PIGC: variants seen among roughly 807,000 people sequenced by gnomAD.
PIGC encodes phosphatidylinositol N-acetylglucosaminyltransferase subunit C.
A neutral mutation model predicts 20.9 loss-of-function variants in PIGC; 14 were observed. The observed-to-expected ratio is 0.67, with a 90% CI of 0.44 to 1.05. The LOEUF is 1.05. Ranked by LOEUF, PIGC falls within the 50% of genes least tolerant of loss-of-function variation. The pLI, the probability that PIGC is intolerant of heterozygous loss-of-function variation, is 0.00. For missense variants in PIGC, 310 were observed against 360.9 expected (o/e 0.86, Z 1.14); for synonymous variants, 132 against 141.4 (o/e 0.93, Z 0.47).
At chr1:172,443,816 G>C in intron 1 of PIGC, 172 bp downstream of exon 1, 1 of 292,476 alleles carries the variant, frequency 3.4e-6, no homozygotes, top group Non-Finnish European at 5.5e-6. Context: ...GGGAGGGGAC[G>C]GGGTAGGGTA....
chr1:172,441,775 C>A lies in PIGC; in HGVS notation c.848G>T (p.Trp283Leu). The change falls in exon 2 of 2, where the codon TGG becomes TTG. Residue 283 changes from tryptophan to leucine, a missense_variant. Coordinates refer to ENST00000344529, the MANE Select transcript of PIGC (RefSeq NM_153747.2). Reference protein sequence around the residue: ...QLFKENIHGPWDEAEIKEDLS... With the variant: ...QLFKENIHGPLDEAEIKEDLS... ...GTCTTCCTTGATTTCAGCTTCATCC[C>A]AAGGCCCATGAATGTTTTCTTTAAA... 6.3e-7 allele frequency: 1 copy of A among 1,593,428 alleles called. No individual in the cohort carries two copies. Among genetic ancestry groups the A allele is most frequent in the African/African-American group, 1.3e-5 (1 of 74,464 alleles).
In PIGC at chr1:172,442,255, G is replaced by A. The variant is rs2149169494; in HGVS notation, c.368C>T (p.Ala123Val). ...ATAAGTGAAAGTAATGAAGACTAGG[G>A]CACTCTTCAGGTCAGCCCACCGGGT... ...GQTRWADLKS[A>V]LVFITFTYGF... is the part of the protein sequence containing the mutation. The change falls in exon 2 of 2, where the codon GCC becomes GTC. Residue 123 changes from alanine (A) to valine (V), a missense_variant. Coordinates refer to ENST00000344529, the MANE Select transcript of PIGC (RefSeq NM_153747.2). The A allele has an allele frequency of 1.9e-6, 3 of 1,613,832 alleles. No individual in the cohort carries two copies. The highest frequency in any genetic ancestry group is 2.5e-6 in the Non-Finnish European group (3 of 1,179,940).
Position 172,443,979 on chromosome 1 carries a change from C to T in PIGC, c.-209+9G>A, listed in dbSNP as rs114933316. ...CGGAAACACTGACCGTTACACGGAA[C>T]CCACCTACCCGAGAGTTCCTAGGGT... On this transcript the variant is annotated intron_variant, in intron 1 of 1. Coordinates refer to ENST00000344529, the MANE Select transcript of PIGC (RefSeq NM_153747.2). The T allele has an allele frequency of 7.1e-4, 714 of 1,000,280 alleles. 3 individuals carry two copies. In the African/African-American group the frequency reaches 0.012, roughly 17 times the overall value. 62.0% of individuals were successfully genotyped at this position (1,000,280 alleles called of 1,614,324 possible). A position where few individuals can be genotyped will look rare whatever the true frequency, so the allele number is the denominator to read the frequency against.
At chr1:172,442,877 G>A (rs749758031) in intron 1 of PIGC, 47 bp from the exon 2 acceptor site, 18 of 426,162 alleles carry the variant, frequency 4.2e-5, no homozygotes, top group Middle Eastern at 6.4e-4. Flanking sequence ...GAAAGGTCAA[G>A]AGTAGTACTG....
At position 172,442,541 on chromosome 1, in the gene PIGC, A is replaced by G. The variant is rs1243505020; in HGVS notation, c.82T>C (p.Tyr28His). ...TCTTCCAGGAATCGCCGGTCCACAT[A>G]GTTATCAGGAAAGGGCTGTCGCTCA... ...LYERQPFPDN[Y>H]VDRRFLEELR... is the part of the protein sequence containing the mutation. The change falls in exon 2 of 2, where the codon TAT becomes CAT. Residue 28 changes from tyrosine to histidine, a missense_variant. Transcript: ENST00000344529. 1 of 1,614,176 alleles carries G rather than the reference A, an allele frequency of 6.2e-7. No individual in the cohort carries two copies. Among genetic ancestry groups the G allele is most frequent in the Non-Finnish European group, 8.5e-7 (1 of 1,179,998 alleles).
rs889673559 is a variant in PIGC, at chr1:172,442,209, C to T, written c.414G>A (p.Lys138=). 1.9e-6 allele frequency: 3 copies of T among 1,613,916 alleles called. No individual in the cohort carries two copies. The highest frequency in any genetic ancestry group is 2.7e-5 in the African/African-American group (2 of 74,924). ...CAGTGCTGACAGACTCTGTAAGGGT[C>T]TTCAGCACTGGTGAAAACCCATAAG... ...TFTYGFSPVL[K]TLTESVSTDT... The change falls in exon 2 of 2, where the codon AAG becomes AAA. Residue 138 remains lysine (K), a synonymous_variant. Transcript: ENST00000344529.
chr1:172,443,823 G>A (rs1432488504), intron 1 of PIGC, 165 bp downstream of exon 1: 1 of 330,986 alleles, frequency 3.0e-6, no homozygotes, highest in African/African-American at 2.3e-5. Flanking sequence ...GACGGGGTAG[G>A]GTAGGGTGAC....
chr1:172,443,825 T>G, intron 1 of PIGC, 163 bp downstream of exon 1: 1 of 340,198 alleles, frequency 2.9e-6, no homozygotes, highest in Non-Finnish European at 4.4e-6. Context: ...CGGGGTAGGG[T>G]AGGGTGACCC....
Position 172,441,860 on chromosome 1 carries a change from C to G in PIGC, c.763G>C (p.Ala255Pro). 1.9e-6 allele frequency: 3 copies of G among 1,614,138 alleles called. No homozygotes were observed. The highest frequency in any genetic ancestry group is 2.5e-6 in the Non-Finnish European group (3 of 1,180,002). Residue 255 changes from alanine to proline, a missense_variant, in exon 2 of 2, where the codon GCC becomes CCC. Physicochemically the swap from Ala to Pro is conservative, Grantham distance 27 (BLOSUM62 -1). Coordinates refer to ENST00000344529, the MANE Select transcript of PIGC (RefSeq NM_153747.2). Reference protein sequence around the residue: ...SISAVGAVLFALLLMSISCLC... With the variant: ...SISAVGAVLFPLLLMSISCLC... ...CATGAGATAGACATCAGCAGAAGGG[C>G]AAAGAGTACGGCTCCCACAGCACTA...
In PIGC at chr1:172,441,649, T is replaced by C; in HGVS notation, c.*80A>G. The stretch of plus-strand genomic sequence containing the variant: ...CCACAATGACATGCTGCTTCCAGAA[T>C]GGAACTCTGTCTTTAAGTTCTATAC... On this transcript the variant is annotated 3_prime_UTR_variant, in exon 2 of 2. Transcript: ENST00000344529. 1 of 1,231,792 alleles carries C rather than the reference T, an allele frequency of 8.1e-7. No homozygotes were observed. Among genetic ancestry groups the C allele is most frequent in the Non-Finnish European group, 1.1e-6 (1 of 892,446 alleles). The allele number at this position is 1,231,792 out of a possible 1,614,324, so 76.3% of individuals were successfully genotyped here.
chr1:172,442,383 C>T lies in PIGC; in HGVS notation c.240G>A (p.Leu80=). The change falls in exon 2 of 2, where the codon CTG becomes CTA. Residue 80 remains leucine (L), a synonymous_variant. Transcript: ENST00000344529. The stretch of plus-strand genomic sequence containing the variant: ...CAGTCCCTAAAAGCCAATGGGGGGC[C>T]AGAAGACCCTCATCCATATACCACC... ...VIWWYMDEGL[L]APHWLLGTGL... is the part of the protein sequence containing the mutation. 6.2e-7 allele frequency: 1 copy of T among 1,613,530 alleles called. No homozygotes were observed. Among genetic ancestry groups the T allele is most frequent in the Non-Finnish European group, 8.5e-7 (1 of 1,180,006 alleles).
chr1:172,441,640 C>T lies in PIGC; in HGVS notation c.*89G>A. Reference sequence around the variant, plus strand: ...ATTCTCTTACCACAATGACATGCTGCTTCCAGAATGGAACTCTGTCTTTAA... The same window carrying T: ...ATTCTCTTACCACAATGACATGCTGTTTCCAGAATGGAACTCTGTCTTTAA... On this transcript the variant is annotated 3_prime_UTR_variant, in exon 2 of 2. Coordinates refer to ENST00000344529, the MANE Select transcript of PIGC (RefSeq NM_153747.2). The T allele has an allele frequency of 8.5e-7, 1 of 1,170,652 alleles. No homozygotes were observed. The highest frequency in any genetic ancestry group is 1.8e-5 in the South Asian group (1 of 55,022). The allele number at this position is 1,170,652 out of a possible 1,614,324, so 72.5% of individuals were successfully genotyped here.
intron 1 of PIGC, chr1:172,443,151 T>C (rs942706232): frequency 5.9e-6 from 1 of 168,566 alleles, no homozygotes; most frequent in Non-Finnish European, 1.4e-5. Context: ...CTTAAGTAAC[T>C]TTGCCCTAAG....
At position 172,444,021 on chromosome 1, in the gene PIGC, G is replaced by A. The variant is rs1429609816; in HGVS notation, c.-242C>T. The A allele has an allele frequency of 7.0e-6, 7 of 1,000,018 alleles. No individual in the cohort carries two copies. Among genetic ancestry groups the A allele is most frequent in the South Asian group, 4.7e-5 (1 of 21,300 alleles). The allele number at this position is 1,000,018 out of a possible 1,614,324, so 61.9% of individuals were successfully genotyped here. A position where few individuals can be genotyped will look rare whatever the true frequency, so the allele number is the denominator to read the frequency against. ...TCCTAGGGTTGCGCAGCTGGGGGAC[G>A]GCGGCACCCAGCCTTTTTCCCGCTT... On this transcript the variant is annotated 5_prime_UTR_variant, in exon 1 of 2. Coordinates refer to ENST00000344529, the MANE Select transcript of PIGC (RefSeq NM_153747.2).
Position 172,441,710 on chromosome 1 carries a change from A to C in PIGC, c.*19T>G. On this transcript the variant is annotated 3_prime_UTR_variant, in exon 2 of 2. Coordinates refer to ENST00000344529, the MANE Select transcript of PIGC (RefSeq NM_153747.2). ...GCTAATCTATCAGCTTGCTTTAATA[A>C]TGTAATGGATGTCCTAATTTAACTG... 1 of 1,520,854 alleles carries C rather than the reference A, an allele frequency of 6.6e-7. No homozygotes were observed. 94.2% of individuals were successfully genotyped at this position (1,520,854 alleles called of 1,614,324 possible).
At position 172,441,858 on chromosome 1, in the gene PIGC, GGCAAA is replaced by G. The variant is rs1285310366; in HGVS notation, c.760_764del (p.Phe254ProfsTer21). 6.2e-7 allele frequency: 1 copy of G among 1,614,018 alleles called. No individual in the cohort carries two copies. The highest frequency in any genetic ancestry group is 8.5e-7 in the Non-Finnish European group (1 of 1,180,016). On this transcript the variant is annotated frameshift_variant, in exon 2 of 2. Transcript: ENST00000344529. LOFTEE classifies it high-confidence loss of function. The stretch of plus-strand genomic sequence containing the variant: ...GACATGAGATAGACATCAGCAGAAG[GGCAAA>G]GAGTACGGCTCCCACAGCACTAATG...
At position 172,442,211 on chromosome 1, in the gene PIGC, T is replaced by G. The variant is rs1345631859; in HGVS notation, c.412A>C (p.Lys138Gln). ...GTGCTGACAGACTCTGTAAGGGTCT[T>G]CAGCACTGGTGAAAACCCATAAGTG... ...TFTYGFSPVL[K>Q]TLTESVSTDT... The change falls in exon 2 of 2, where the codon AAG (lysine) becomes CAG (glutamine). Residue 138 changes from lysine (K) to glutamine (Q), a missense_variant. Physicochemically the swap from Lys to Gln is moderately conservative, Grantham distance 53. Coordinates refer to ENST00000344529, the MANE Select transcript of PIGC (RefSeq NM_153747.2). The G allele has an allele frequency of 6.2e-7, 1 of 1,614,104 alleles. No homozygotes were observed. The highest frequency in any genetic ancestry group is 8.5e-7 in the Non-Finnish European group (1 of 1,179,932).
At chr1:172,443,634 T>C (rs1317666160) in intron 1 of PIGC, 1 of 167,034 alleles carries the variant, frequency 6.0e-6, no homozygotes, top group African/African-American at 2.4e-5. Context: ...AAAAAATTCA[T>C]ATTGCCCGAC....
In PIGC at chr1:172,442,697, A is replaced by G; in HGVS notation, c.-75T>C. ...TCCAGGTGGTTCTTGTTCTTTATGA[A>G]GTTTTGAAATGAGACCTCCCTGGAA... On this transcript the variant is annotated 5_prime_UTR_variant, in exon 2 of 2. Coordinates refer to ENST00000344529, the MANE Select transcript of PIGC (RefSeq NM_153747.2). 7.6e-7 allele frequency: 1 copy of G among 1,319,236 alleles called. No individual in the cohort carries two copies. The highest frequency in any genetic ancestry group is 2.0e-5 in the Admixed American group (1 of 50,816). The allele number at this position is 1,319,236 out of a possible 1,614,324, so 81.7% of individuals were successfully genotyped here.
Sources: gnomAD v4.1 joint callset for allele counts on GRCh38, gnomAD v4.1.1 for gene constraint, MANE v1.5 for transcripts, NCBI Gene and HGNC (gene_info 2026-07-23, HGNC 2026-07-21) for gene names.